UBE4B: variants seen among roughly 807,000 people sequenced by gnomAD.
UBE4B encodes ubiquitin conjugation factor E4 B.
In UBE4B, 27 loss-of-function variants were observed where a neutral mutation model predicts 148.1. That is an observed-to-expected ratio of 0.18 (90% CI 0.13 to 0.25). The LOEUF (loss-of-function observed/expected upper bound fraction) is 0.25, where lower values mean the gene tolerates loss of function less well. UBE4B is among the 10% of genes least tolerant of loss of function. The pLI is 1.00. For missense variants in UBE4B, 1,170 were observed against 1,662.4 expected (o/e 0.70, Z 5.15); for synonymous variants, 596 against 619.3 (o/e 0.96, Z 0.56).
At position 10,105,578 on chromosome 1, in the gene UBE4B, C is replaced by G; in HGVS notation, c.643C>G (p.Gln215Glu). 1 of 1,614,224 alleles carries G rather than the reference C, an allele frequency of 6.2e-7. No homozygotes were observed. The highest frequency in any genetic ancestry group is 1.1e-5 in the South Asian group (1 of 91,086). The part of the protein sequence containing the change: ...ILMEVLMMST[Q>E]TRDENPFASL... The stretch of plus-strand genomic sequence containing the variant: ...AATGGAAGTGCTAATGATGTCCACT[C>G]AGACCAGAGATGAAAACCCATTTGC... Residue 215 changes from glutamine to glutamate, a missense_variant, in exon 6 of 28, where the codon CAG becomes GAG. Gln to Glu is a conservative substitution (Grantham distance 29). Coordinates refer to ENST00000343090, the MANE Select transcript of UBE4B (RefSeq NM_001105562.3).
intron 2 of UBE4B, among the ~76,000 whole-genome samples, chr1:10,094,590 C>T (rs377464768): frequency 2.8e-4 from 42 of 151,424 alleles, no homozygotes; most frequent in African/African-American, 8.7e-4. Flanking sequence ...CCCGCCACCA[C>T]GCCCAGCTAA....
At chr1:10,138,476 C>T (rs913981944) in intron 17 of UBE4B, among the ~76,000 whole-genome samples, 3 of 152,060 alleles carry the variant, frequency 2.0e-5, no homozygotes, top group South Asian at 2.1e-4. Flanking sequence ...TCAGGCGATC[C>T]GACTGCCTCC....
At chr1:10,126,607 T>C (rs1357472165) in intron 10 of UBE4B, among the ~76,000 whole-genome samples, 187 bp from the exon 11 acceptor site, 2 of 152,210 alleles carry the variant, frequency 1.3e-5, no homozygotes, top group Non-Finnish European at 2.9e-5. Flanking sequence ...GCTGTATTAC[T>C]TTATGGTTAG....
At position 10,149,284 on chromosome 1, in the gene UBE4B, T is replaced by G; in HGVS notation, c.2690+2T>G. The G allele has an allele frequency of 6.3e-7, 1 of 1,588,272 alleles. No homozygotes were observed. Among genetic ancestry groups the G allele is most frequent in the Non-Finnish European group, 8.6e-7 (1 of 1,166,518 alleles). On this transcript the variant is annotated splice_donor_variant, in intron 20 of 27. Coordinates refer to ENST00000343090, the MANE Select transcript of UBE4B (RefSeq NM_001105562.3). LOFTEE classifies it high-confidence loss of function. ...AGAATTTTTATTTTTTATTGTACAG[T>G]AAGTGCCTTTAATATTTTACATAGT...
At position 10,158,462 on chromosome 1, in the gene UBE4B, C is replaced by T; in HGVS notation, c.3033C>T (p.Gly1011=). Residue 1011 remains glycine (G), a synonymous_variant, in exon 22 of 28, where the codon GGC becomes GGT. Coordinates refer to ENST00000343090, the MANE Select transcript of UBE4B (RefSeq NM_001105562.3). The part of the protein sequence containing the change: ...KSLWQNIAHH[G]TFMEEFNSGK... ...TTTGGCAAAACATAGCTCACCATGG[C>T]ACCTTTATGGAGGAGTTCAAGTGAG... is the stretch of plus-strand genomic sequence containing the variant. 1.2e-6 allele frequency: 2 copies of T among 1,614,110 alleles called. No homozygotes were observed. The highest frequency in any genetic ancestry group is 1.7e-6 in the Non-Finnish European group (2 of 1,180,010).
intron 3 of UBE4B, among the ~76,000 whole-genome samples, chr1:10,100,107 G>A (rs1483372517): frequency 2.0e-5 from 3 of 151,576 alleles, no homozygotes; most frequent in East Asian, 3.9e-4. Context: ...CTCCCGCCTC[G>A]GCCTCCTGAG....
chr1:10,079,550 C>T (rs1644642799), intron 2 of UBE4B, among the ~76,000 whole-genome samples: 1 of 152,142 alleles, frequency 6.6e-6, no homozygotes, highest in African/African-American at 2.4e-5. Context: ...GATTGTAATA[C>T]AGTTATTTAT....
chr1:10,151,069 A>C (rs1019052251), intron 20 of UBE4B, among the ~76,000 whole-genome samples: 4 of 151,330 alleles, frequency 2.6e-5, no homozygotes, highest in Non-Finnish European at 5.9e-5. Context: ...AGGCTGAGGC[A>C]GGAGAATGGC....
chr1:10,061,254 A>T (rs1644280054), intron 1 of UBE4B, among the ~76,000 whole-genome samples: 1 of 151,772 alleles, frequency 6.6e-6, no homozygotes, highest in Admixed American at 6.6e-5. Flanking sequence ...ATTGTGCAAA[A>T]CAAGTTTGTT....
chr1:10,128,599 A>G (rs879886856), intron 11 of UBE4B: 1 of 152,224 alleles, frequency 6.6e-6, no homozygotes, highest in Admixed American at 6.5e-5. Flanking sequence ...TGATCCTAAT[A>G]TGCAGCCACG....
intron 25 of UBE4B, among the ~76,000 whole-genome samples, chr1:10,177,004 G>A (rs1296483198): frequency 1.3e-5 from 2 of 150,378 alleles, no homozygotes; most frequent in East Asian, 4.0e-4. Flanking sequence ...AGCCAGGATG[G>A]TCTCGATCTC....
intron 1 of UBE4B, among the ~76,000 whole-genome samples, chr1:10,041,953 C>T (rs1447360480): frequency 2.6e-5 from 4 of 152,022 alleles, no homozygotes; most frequent in Non-Finnish European, 5.9e-5. Context: ...CCTCAGCCTC[C>T]CAAAGTTGTG....
At chr1:10,091,658 T>C (rs1185409935) in intron 2 of UBE4B, among the ~76,000 whole-genome samples, 2 of 152,138 alleles carry the variant, frequency 1.3e-5, no homozygotes, top group Non-Finnish European at 2.9e-5. Context: ...CAGGCCGCAG[T>C]GCAGTGGTGC....
chr1:10,167,423 G>A (rs1423043065), intron 23 of UBE4B, among the ~76,000 whole-genome samples: 2 of 147,128 alleles, frequency 1.4e-5, no homozygotes, highest in Non-Finnish European at 3.0e-5. Flanking sequence ...TGGGCAACAA[G>A]CGAAACTCCG....
chr1:10,175,650 C>CAAATAAAT (rs950568771), intron 25 of UBE4B, among the ~76,000 whole-genome samples: 2 of 140,236 alleles, frequency 1.4e-5, no homozygotes, highest in Non-Finnish European at 3.0e-5. Context: ...GACTCCGTCT[C>CAAATAAAT]AAATAAATAA....
chr1:10,121,859 T>C (rs1645416262), intron 9 of UBE4B, 103 bp from the exon 10 acceptor site: 3 of 673,416 alleles, frequency 4.5e-6, no homozygotes, highest in South Asian at 2.3e-5. Context: ...TTGGGAGATG[T>C]CAAGTTTGAC....
At chr1:10,129,501 A>G (rs1014607994) in intron 12 of UBE4B, 53 bp downstream of exon 12, 1 of 1,559,120 alleles carries the variant, frequency 6.4e-7, no homozygotes, top group Middle Eastern at 1.7e-4. Flanking sequence ...ATCATAACCC[A>G]GAAGGCATTC....
chr1:10,180,081 A>G lies in UBE4B; in HGVS notation c.*125A>G. The G allele has an allele frequency of 5.8e-6, 7 of 1,215,082 alleles. No individual in the cohort carries two copies. The South Asian group carries it at 9.3e-5, about 16-fold the overall frequency. The allele number at this position is 1,215,082 out of a possible 1,614,324, so 75.3% of individuals were successfully genotyped here. ...AATGTGGCAAACCAACCCCAGGCCC[A>G]CCCAGAGCGAGCAAACGCTGAGACC... On this transcript the variant is annotated 3_prime_UTR_variant, in exon 28 of 28. Transcript: ENST00000343090.
At position 10,095,453 on chromosome 1, in the gene UBE4B, C is replaced by G. The variant is rs747217965; in HGVS notation, c.212-8C>G. ...TGGGGCTTCATCCTTCCTGTGTTTT[C>G]TGTTTAGGAGTAGCCCATCGAAGCC... On this transcript the variant is annotated splice_region_variant and splice_polypyrimidine_tract_variant and intron_variant, in intron 2 of 27. Transcript: ENST00000343090. 6.2e-7 allele frequency: 1 copy of G among 1,613,032 alleles called. No individual in the cohort carries two copies. The highest frequency in any genetic ancestry group is 1.7e-5 in the Admixed American group (1 of 59,656).
Sources: allele counts gnomAD v4.1 joint callset (sites outside exome capture counted in the v4.1 genomes callset), GRCh38; gene constraint gnomAD v4.1.1; transcripts MANE v1.5; gene names NCBI Gene and HGNC (gene_info 2026-07-23, HGNC 2026-07-21).